The following VPS4A variants were observed in gnomAD, a reference collection of about 807,000 sequenced individuals.
The protein encoded by VPS4A is vacuolar protein sorting 4 homolog A.
A neutral mutation model predicts 52.3 loss-of-function variants in VPS4A; 20 were observed. The observed-to-expected ratio is 0.38, with a 90% confidence interval of 0.27 to 0.56. The LOEUF (loss-of-function observed/expected upper bound fraction) is 0.56. Ranked by LOEUF, VPS4A falls within the 20% of genes least tolerant of loss-of-function variation. The pLI is 0.72. For missense variants in VPS4A, 419 were observed against 575.9 expected (o/e 0.73, Z 2.79); for synonymous variants, 293 against 227.7 (o/e 1.29, Z -2.58).
Position 69,320,386 on chromosome 16 carries a change from C to A in VPS4A, c.769+97C>A, listed in dbSNP as rs1965496077. ...GCGGCTGGATTTGGTTGTTCTCAGC[C>A]TCGGAGAGGCACTCCCCAGCTCCAG... On this transcript the variant is annotated intron_variant, in intron 7 of 10. Coordinates refer to ENST00000254950, the MANE Select transcript of VPS4A (RefSeq NM_013245.3). This position sits in a 1 kb window ranked among gnomAD's most constrained non-coding sequence, Gnocchi z 4.2. 10 of 1,521,772 alleles carry A rather than the reference C, an allele frequency of 6.6e-6. No homozygotes were observed. The highest frequency in any genetic ancestry group is 8.9e-6 in the Non-Finnish European group (10 of 1,123,124). 94.3% of individuals were successfully genotyped at this position (1,521,772 alleles called of 1,614,324 possible).
intron 9 of VPS4A, chr16:69,322,304 T>C: frequency 2.8e-6 from 1 of 358,084 alleles, no homozygotes; most frequent in South Asian, 6.5e-5. Flanking sequence ...ATCACACTTT[T>C]AATGTCACTG....
At position 69,320,065 on chromosome 16, in the gene VPS4A, G is replaced by T; in HGVS notation, c.621-76G>T. On this transcript the variant is annotated intron_variant, in intron 6 of 10. Coordinates refer to ENST00000254950, the MANE Select transcript of VPS4A (RefSeq NM_013245.3). This position sits in a 1 kb window ranked among gnomAD's most constrained non-coding sequence, Gnocchi z 4.2. ...CTGCGCCTCCCTGTGGGAAGGGTGAGAAGAGGGAAGTGCCGGGAGCCCAGG... is the reference window on the plus strand; with the variant it reads ...CTGCGCCTCCCTGTGGGAAGGGTGATAAGAGGGAAGTGCCGGGAGCCCAGG... 6.6e-7 allele frequency: 1 copy of T among 1,519,616 alleles called. No individual in the cohort carries two copies. The highest frequency in any genetic ancestry group is 8.9e-7 in the Non-Finnish European group (1 of 1,124,492). 94.1% of individuals were successfully genotyped at this position (1,519,616 alleles called of 1,614,324 possible). A position where few individuals can be genotyped will look rare whatever the true frequency, so the allele number is the denominator to read the frequency against.
In VPS4A at chr16:69,311,478, C is replaced by T. The variant is rs1461611655; in HGVS notation, c.-34C>T. ...GGGGCCGGACCGAGGCCGCAAGCAGCGCCGCGGGGTGTGGGGCGGACCCAG... is the reference window on the plus strand; with the variant it reads ...GGGGCCGGACCGAGGCCGCAAGCAGTGCCGCGGGGTGTGGGGCGGACCCAG... On this transcript the variant is annotated 5_prime_UTR_variant, in exon 1 of 11. Coordinates refer to ENST00000254950, the MANE Select transcript of VPS4A (RefSeq NM_013245.3). 3 of 1,311,688 alleles carry T rather than the reference C, an allele frequency of 2.3e-6. No homozygotes were observed. Among genetic ancestry groups the T allele is most frequent in the South Asian group, 2.4e-5 (1 of 41,136 alleles). 81.3% of individuals were successfully genotyped at this position (1,311,688 alleles called of 1,614,324 possible). A position where few individuals can be genotyped will look rare whatever the true frequency, so the allele number is the denominator to read the frequency against.
intron 1 of VPS4A, among the ~76,000 whole-genome samples, chr16:69,312,026 C>T (rs1965383691): frequency 6.6e-6 from 1 of 152,226 alleles, no homozygotes; most frequent in Admixed American, 6.5e-5. Context: ...TCCCTAGATC[C>T]TGCAGGGTGG....
chr16:69,324,061 C>T, intron 10 of VPS4A, 147 bp from the exon 11 acceptor site: 1 of 687,298 alleles, frequency 1.5e-6, no homozygotes, highest in Non-Finnish European at 2.4e-6. Flanking sequence ...GGAAGAGGGT[C>T]CCTGCCATAG....
In VPS4A at chr16:69,320,969, C is replaced by T; in HGVS notation, c.852-82C>T. The T allele has an allele frequency of 1.4e-6, 2 of 1,420,500 alleles. No homozygotes were observed. The highest frequency in any genetic ancestry group is 1.3e-5 in the South Asian group (1 of 79,390). The allele number at this position is 1,420,500 out of a possible 1,614,324, so 88.0% of individuals were successfully genotyped here. A position where few individuals can be genotyped will look rare whatever the true frequency, so the allele number is the denominator to read the frequency against. On this transcript the variant is annotated intron_variant, in intron 8 of 10. Coordinates refer to ENST00000254950, the MANE Select transcript of VPS4A (RefSeq NM_013245.3). This position sits in a 1 kb window ranked among gnomAD's most constrained non-coding sequence, Gnocchi z 4.2. ...ACTGGCCCATGAAATGCGTCCGTTT[C>T]ACTCAAATCTTCGTGCCTCCCCTTC... is the stretch of plus-strand genomic sequence containing the variant.
In VPS4A at chr16:69,324,237, C is replaced by T. The variant is rs1396048020; in HGVS notation, c.1242C>T (p.Thr414=). 6.2e-7 allele frequency: 1 copy of T among 1,613,714 alleles called. No homozygotes were observed. Among genetic ancestry groups the T allele is most frequent in the Non-Finnish European group, 8.5e-7 (1 of 1,179,862 alleles). ...ACATGCTGCGGTCTCTGGCCACCAC[C>T]CGGCCCACGGTGAATGCAGACGACC... is the stretch of plus-strand genomic sequence containing the variant. ...MSDMLRSLAT[T]RPTVNADDLL... The change falls in exon 11 of 11, where the codon ACC becomes ACT. Residue 414 remains threonine (T), a synonymous_variant. Coordinates refer to ENST00000254950, the MANE Select transcript of VPS4A (RefSeq NM_013245.3).
chr16:69,324,429 C>G lies in VPS4A; in HGVS notation c.*120C>G. ...TGTCCCAGTCAATACAGAGTTCCCT[C>G]TGCTGTCTGGCCGTCTGCCAGGGAG... On this transcript the variant is annotated 3_prime_UTR_variant, in exon 11 of 11. Coordinates refer to ENST00000254950, the MANE Select transcript of VPS4A (RefSeq NM_013245.3). 1.8e-6 allele frequency: 2 copies of G among 1,115,360 alleles called. No individual in the cohort carries two copies. Among genetic ancestry groups the G allele is most frequent in the Non-Finnish European group, 2.6e-6 (2 of 766,518 alleles). 69.1% of individuals were successfully genotyped at this position (1,115,360 alleles called of 1,614,324 possible). A position where few individuals can be genotyped will look rare whatever the true frequency, so the allele number is the denominator to read the frequency against.
At position 69,320,598 on chromosome 16, in the gene VPS4A, GACAC is replaced by G; in HGVS notation, c.770-86_770-83del. On this transcript the variant is annotated intron_variant, in intron 7 of 10. Transcript: ENST00000254950. The surrounding 1 kb of genome is among the most constrained non-coding windows in gnomAD (Gnocchi z 4.2). ...TGGCACAGGGATGGCTTCAATTGCT[GACAC>G]ACAAAGCCCCCGGGGTCTGTCCCCA... The G allele has an allele frequency of 8.6e-7, 1 of 1,162,066 alleles. No homozygotes were observed. The allele number at this position is 1,162,066 out of a possible 1,614,324, so 72.0% of individuals were successfully genotyped here.
chr16:69,323,774 AC>A (rs1965544272), intron 10 of VPS4A: 3 of 404,420 alleles, frequency 7.4e-6, no homozygotes, highest in South Asian at 3.5e-5. Context: ...ACATAGTGAA[AC>A]CCCGTCTCTG....
rs955792705 is a variant in VPS4A, at chr16:69,323,873, C to T, written c.1213-335C>T. Among the ~76,000 whole-genome samples the T allele has an allele frequency of 4.9e-5, 7 of 141,980 alleles. No homozygotes were observed. In the South Asian group the frequency reaches 9.0e-4, roughly 18 times the overall value. 93.1% of individuals were successfully genotyped at this position (141,980 alleles called of 152,430 possible). A position where few individuals can be genotyped will look rare whatever the true frequency, so the allele number is the denominator to read the frequency against. On this transcript the variant is annotated intron_variant, in intron 10 of 10. Coordinates refer to ENST00000254950, the MANE Select transcript of VPS4A (RefSeq NM_013245.3). ...GCTGAGGCAGGAGAGTCACTTGAAC[C>T]GAGGAGGTGGAGGTTGCGGTGAGCC...
In VPS4A at chr16:69,322,605, C is replaced by T; in HGVS notation, c.1117C>T (p.Leu373Phe). 4 of 1,613,894 alleles carry T rather than the reference C, an allele frequency of 2.5e-6. No individual in the cohort carries two copies. The highest frequency in any genetic ancestry group is 3.4e-6 in the Non-Finnish European group (4 of 1,179,858). Residue 373 changes from leucine (L) to phenylalanine (F), a missense_variant, in exon 10 of 11, where the codon CTC becomes TTC. By Grantham distance (22) the Leu-to-Phe change is conservative. Around this residue, in one of 3 missense-constraint regions of VPS4A, gnomAD observed 185 missense variants for 200.2 expected, o/e 0.92. Coordinates refer to ENST00000254950, the MANE Select transcript of VPS4A (RefSeq NM_013245.3). The part of the protein sequence containing the change: ...RTNPSMMIDD[L>F]LTPCSPGDPG... ...CAACCCCAGCATGATGATTGATGAC[C>T]TCCTGACTCCATGCTCACCAGGGGA...
At chr16:69,323,549 G>A (rs916029748) in intron 10 of VPS4A, 42 of 442,100 alleles carry the variant, frequency 9.5e-5, no homozygotes, top group Non-Finnish European at 9.1e-6. Flanking sequence ...CAGTGAATGT[G>A]TCAAGACTGT....
chr16:69,314,417 T>TG (rs2143246589), intron 1 of VPS4A, among the ~76,000 whole-genome samples: 1 of 152,116 alleles, frequency 6.6e-6, no homozygotes, highest in Admixed American at 6.5e-5. Flanking sequence ...TCCAAGGTAC[T>TG]GGGGGTGTGT....
Position 69,320,652 on chromosome 16 carries a change from T to C in VPS4A, c.770-36T>C. 1 of 1,558,962 alleles carries C rather than the reference T, an allele frequency of 6.4e-7. No homozygotes were observed. The highest frequency in any genetic ancestry group is 8.7e-7 in the Non-Finnish European group (1 of 1,147,738). On this transcript the variant is annotated intron_variant, in intron 7 of 10. Coordinates refer to ENST00000254950, the MANE Select transcript of VPS4A (RefSeq NM_013245.3). This position sits in a 1 kb window ranked among gnomAD's most constrained non-coding sequence, Gnocchi z 4.2. ...AGGTTTCAACTGACCCGTGCAGGTG[T>C]CCAGAGTCTGAGTCTTTGTCTCCCT...
At position 69,320,010 on chromosome 16, in the gene VPS4A, C is replaced by A; in HGVS notation, c.621-131C>A. On this transcript the variant is annotated intron_variant, in intron 6 of 10. Transcript: ENST00000254950. This position sits in a 1 kb window ranked among gnomAD's most constrained non-coding sequence, Gnocchi z 4.2. ...GTGGCCCGAGGGCTCCTCACCACCA[C>A]GTTTTCCGCAATTCCGGCATGACCG... 1.6e-6 allele frequency: 2 copies of A among 1,288,328 alleles called. No individual in the cohort carries two copies. Among genetic ancestry groups the A allele is most frequent in the Non-Finnish European group, 2.1e-6 (2 of 948,534 alleles). 79.8% of individuals were successfully genotyped at this position (1,288,328 alleles called of 1,614,324 possible).
At chr16:69,315,587 C>T (rs556973028) in intron 1 of VPS4A, among the ~76,000 whole-genome samples, 4 of 152,290 alleles carry the variant, frequency 2.6e-5, no homozygotes, top group Admixed American at 6.5e-5. Flanking sequence ...GCCCTGAGGC[C>T]GGGTGCAATT....
In VPS4A at chr16:69,324,887, GGGA is replaced by G. The variant is rs2143276231; in HGVS notation, c.*583_*585del. The G allele has an allele frequency of 6.3e-6, 1 of 159,520 alleles. No individual in the cohort carries two copies. The highest frequency in any genetic ancestry group is 1.8e-4 in the South Asian group (1 of 5,506). 9.9% of individuals were successfully genotyped at this position (159,520 alleles called of 1,614,324 possible). ...ACATCCAGGGCTGTGTCTTCCTTGG[GGGA>G]GGAGATGGTGTCGTTTAGATCAGGG... On this transcript the variant is annotated 3_prime_UTR_variant, in exon 11 of 11. Coordinates refer to ENST00000254950, the MANE Select transcript of VPS4A (RefSeq NM_013245.3).
chr16:69,313,355 T>C (rs1369365098), intron 1 of VPS4A, among the ~76,000 whole-genome samples: 1 of 152,154 alleles, frequency 6.6e-6, no homozygotes, highest in Non-Finnish European at 1.5e-5. Context: ...ATCACCATAA[T>C]CACTTTTTAG....
Sources: allele counts gnomAD v4.1 joint callset (sites outside exome capture counted in the v4.1 genomes callset), GRCh38; gene constraint gnomAD v4.1.1; regional missense constraint gnomAD v4.1.1; non-coding constraint Gnocchi (gnomAD v3.1); transcripts MANE v1.5; gene names NCBI Gene and HGNC (gene_info 2026-07-23, HGNC 2026-07-21).